The following CNTLN variants were observed in gnomAD, a reference collection of about 807,000 sequenced individuals.
CNTLN encodes the protein centlein.
CNTLN carries 212 observed loss-of-function variants against 180.0 expected under a neutral mutation model. The observed-to-expected ratio is 1.18, with a 90% CI of 1.05 to 1.32. The LOEUF is 1.32. Among genes scored for constraint, CNTLN ranks in the 40% most tolerant of loss-of-function variants. The pLI, the probability that CNTLN is intolerant of heterozygous loss-of-function variation, is 0.00. For missense variants in CNTLN, 2,095 were observed against 1,610.9 expected (o/e 1.30, Z -5.14); for synonymous variants, 722 against 563.1 (o/e 1.28, Z -3.99).
intron 2 of CNTLN, among the ~76,000 whole-genome samples, chr9:17,177,807 T>G (rs1587014995): frequency 6.6e-6 from 1 of 152,150 alleles, no homozygotes; most frequent in Non-Finnish European, 1.5e-5. Context: ...CGAGATTTAT[T>G]GCAAAGAGCG....
intron 12 of CNTLN, among the ~76,000 whole-genome samples, chr9:17,361,407 C>G (rs1434445739): frequency 6.6e-6 from 1 of 152,192 alleles, no homozygotes; most frequent in African/African-American, 2.4e-5. Flanking sequence ...AAGATTCTCT[C>G]TTCTCTGACT....
rs1346588856 is a variant in CNTLN, at chr9:17,412,374, GA to G, written c.2796+2905del. On this transcript the variant is annotated intron_variant, in intron 16 of 25. Transcript: ENST00000380647. ...AATCACACCTCATACCAAGATCCAG[GA>G]AAACCTCAACTATATCAACAGAAGC... 2.0e-5 allele frequency among the ~76,000 whole-genome samples: 3 copies of G among 152,110 alleles called. No individual in the cohort carries two copies. The East Asian group carries it at 5.8e-4, about 29-fold the overall frequency.
intron 3 of CNTLN, 67 bp downstream of exon 3, chr9:17,226,354 T>C (rs1824464631): frequency 4.6e-6 from 4 of 863,430 alleles, no homozygotes; most frequent in Non-Finnish European, 6.8e-6. Flanking sequence ...TTCAAAATTA[T>C]TTTTATTTTT....
intron 14 of CNTLN, among the ~76,000 whole-genome samples, chr9:17,389,749 T>G (rs555419055): frequency 6.5e-4 from 99 of 152,244 alleles, no homozygotes; most frequent in African/African-American, 2.3e-3. Flanking sequence ...TATATGCAGA[T>G]TATTTTGAAA....
intron 22 of CNTLN, among the ~76,000 whole-genome samples, chr9:17,466,417 A>G (rs1370129293): frequency 6.6e-6 from 1 of 151,494 alleles, no homozygotes; most frequent in African/African-American, 2.4e-5. Context: ...TTAAACTTTC[A>G]AACTAAATGT....
intron 2 of CNTLN, among the ~76,000 whole-genome samples, chr9:17,171,230 G>A (rs117565641): frequency 6.6e-6 from 1 of 151,996 alleles, no homozygotes; most frequent in Non-Finnish European, 1.5e-5. Flanking sequence ...CTTGTTTTTG[G>A]TTTTTTTGTG....
At chr9:17,184,728 A>G (rs1173586942) in intron 2 of CNTLN, among the ~76,000 whole-genome samples, 2 of 152,190 alleles carry the variant, frequency 1.3e-5, no homozygotes, top group Non-Finnish European at 2.9e-5. Flanking sequence ...ATTCATTAAA[A>G]CAACAATAGG....
At chr9:17,183,550 A>G (rs1182671065) in intron 2 of CNTLN, among the ~76,000 whole-genome samples, 1 of 152,024 alleles carries the variant, frequency 6.6e-6, no homozygotes, top group African/African-American at 2.4e-5. Flanking sequence ...TAAAAACTGT[A>G]GTTATGGTAA....
intron 12 of CNTLN, among the ~76,000 whole-genome samples, chr9:17,346,775 A>C (rs1022700042): frequency 3.9e-5 from 6 of 152,064 alleles, no homozygotes; most frequent in Non-Finnish European, 8.8e-5. Context: ...CAAATTTGGG[A>C]AATTTTTGTC....
chr9:17,398,151 G>A (rs1826679973), intron 15 of CNTLN, among the ~76,000 whole-genome samples: 1 of 152,126 alleles, frequency 6.6e-6, no homozygotes, highest in Non-Finnish European at 1.5e-5. Flanking sequence ...TTTATCAGGA[G>A]GAGGTGTTTA....
chr9:17,310,694 A>G (rs1819072000), intron 8 of CNTLN, among the ~76,000 whole-genome samples: 2 of 152,318 alleles, frequency 1.3e-5, no homozygotes, highest in South Asian at 4.1e-4. Context: ...CCAACAATAT[A>G]AAAGAGATCT....
intron 18 of CNTLN, among the ~76,000 whole-genome samples, chr9:17,426,120 C>T (rs1389084042): frequency 1.3e-5 from 2 of 152,166 alleles, no homozygotes; most frequent in African/African-American, 4.8e-5. Context: ...GAGCAACCAG[C>T]TGGGTCTAAA....
chr9:17,233,325 A>G (rs1432760215), intron 3 of CNTLN, among the ~76,000 whole-genome samples: 1 of 152,148 alleles, frequency 6.6e-6, no homozygotes, highest in Non-Finnish European at 1.5e-5. Flanking sequence ...ATATTTAAAT[A>G]CAATAAAAAT....
rs995860564 is a variant in CNTLN, at chr9:17,353,347, GTTCTAATTTCCC to G, written c.1886+10904_1886+10915del. On this transcript the variant is annotated intron_variant, in intron 12 of 25. Transcript: ENST00000380647. ...TTTATATTGTTTGCCGTCTATGAGG[GTTCTAATTTCCC>G]CACATCCTCACCAATACTTGTTATG... Among the ~76,000 whole-genome samples, 19 of 149,946 alleles carry G rather than the reference GTTCTAATTTCCC, an allele frequency of 1.3e-4. 1 individual carries two copies. Among genetic ancestry groups the G allele is most frequent in the African/African-American group, 4.2e-4 (17 of 40,858 alleles).
At chr9:17,259,687 T>C (rs1050538283) in intron 5 of CNTLN, among the ~76,000 whole-genome samples, 7 of 151,016 alleles carry the variant, frequency 4.6e-5, no homozygotes, top group African/African-American at 1.7e-4. Context: ...CTCAGCTTCT[T>C]CCTGGTTTAG....
chr9:17,464,688 C>A, intron 21 of CNTLN, 65 bp downstream of exon 21: 3 of 1,010,204 alleles, frequency 3.0e-6, no homozygotes, highest in Non-Finnish European at 4.2e-6. Flanking sequence ...TCTCTTACCA[C>A]AAACATTTAA....
At chr9:17,488,176 C>T (rs1311111569) in intron 25 of CNTLN, among the ~76,000 whole-genome samples, 3 of 152,092 alleles carry the variant, frequency 2.0e-5, no homozygotes, top group African/African-American at 7.2e-5. Context: ...AGTATATCAA[C>T]AATTCATGTT....
At chr9:17,416,289 C>A in intron 18 of CNTLN, 100 bp downstream of exon 18, 1 of 1,006,672 alleles carries the variant, frequency 9.9e-7, no homozygotes, top group Non-Finnish European at 1.4e-6. Flanking sequence ...TTAGGCAGGT[C>A]TATGAGTTTT....
At chr9:17,214,909 C>T (rs974799011) in intron 2 of CNTLN, among the ~76,000 whole-genome samples, 2 of 152,202 alleles carry the variant, frequency 1.3e-5, no homozygotes, top group Non-Finnish European at 2.9e-5. Flanking sequence ...TCCATCAGGT[C>T]ATTTAAGGAC....
Sources: allele counts gnomAD v4.1 joint callset (sites outside exome capture counted in the v4.1 genomes callset), GRCh38; gene constraint gnomAD v4.1.1; transcripts MANE v1.5; gene names NCBI Gene and HGNC (gene_info 2026-07-23, HGNC 2026-07-21).